Variants in ANKRD36C observed in about 807,000 individuals in gnomAD.
ANKRD36C encodes ankyrin repeat domain-containing protein 36C.
In ANKRD36C, 61 loss-of-function variants were observed where a neutral mutation model predicts 276.4. That is an observed-to-expected ratio of 0.22 (90% CI 0.18 to 0.27). ANKRD36C has a LOEUF of 0.27. ANKRD36C is among the 10% of genes least tolerant of loss of function. ANKRD36C has a pLI of 1.00. For synonymous variants in ANKRD36C, 483 were observed against 680.1 expected (o/e 0.71, Z 4.51); for missense variants, 1,447 against 2,032.3 (o/e 0.71, Z 5.54).
intron 46 of ANKRD36C, among the ~76,000 whole-genome samples, chr2:95,890,921 G>A (rs923371123): frequency 6.6e-6 from 1 of 151,304 alleles, no homozygotes; most frequent in African/African-American, 2.4e-5. Flanking sequence ...CCTTGAACAA[G>A]GAAGCAAATT....
At chr2:95,983,298 T>C (rs1202635671) in intron 3 of ANKRD36C, among the ~76,000 whole-genome samples, 1 of 151,872 alleles carries the variant, frequency 6.6e-6, no homozygotes, top group Non-Finnish European at 1.5e-5. Flanking sequence ...TCTCTAGTAA[T>C]ATTTTTATCT....
chr2:95,916,134 T>C lies in ANKRD36C; in HGVS notation c.2376+9A>G. ...TACTAGCTCACAATATAAATGAGAG[T>C]TTCATTACCTTCAAGGCTGGTTTTT... On this transcript the variant is annotated intron_variant, in intron 37 of 66. Transcript: ENST00000456556. 6.2e-7 allele frequency: 1 copy of C among 1,605,006 alleles called. No individual in the cohort carries two copies. Among genetic ancestry groups the C allele is most frequent in the South Asian group, 1.1e-5 (1 of 90,896 alleles).
chr2:95,897,600 C>G, intron 44 of ANKRD36C, 135 bp from the exon 59 acceptor site: 1 of 827,986 alleles, frequency 1.2e-6, no homozygotes, highest in African/African-American at 1.7e-5. Context: ...TACTTTGTGT[C>G]TGGGGACTAG....
intron 10 of ANKRD36C, among the ~76,000 whole-genome samples, chr2:95,960,263 A>T (rs1232278648): frequency 2.0e-5 from 3 of 152,032 alleles, no homozygotes; most frequent in Admixed American, 6.6e-5. Flanking sequence ...TCCCAATTTC[A>T]GTGTAGGGAA....
At chr2:95,893,649 T>C (rs182076982) in intron 44 of ANKRD36C, 44 bp from the exon 64 acceptor site, 88 of 1,596,416 alleles carry the variant, frequency 5.5e-5, no homozygotes, top group Non-Finnish European at 7.2e-5. Flanking sequence ...ATATGTTTCA[T>C]AGACCATACA....
At chr2:95,940,783 C>G (rs879701735) in intron 20 of ANKRD36C, among the ~76,000 whole-genome samples, 9,209 of 102,618 alleles carry the variant, frequency 0.09, no homozygotes, top group South Asian at 0.17. Flanking sequence ...TTACACCATC[C>G]CACCTCACAT....
At chr2:95,864,269 C>A (rs1053379757) in intron 60 of ANKRD36C, among the ~76,000 whole-genome samples, 3 of 152,072 alleles carry the variant, frequency 2.0e-5, no homozygotes, top group African/African-American at 7.2e-5. Flanking sequence ...CATTGAAACA[C>A]CATCATTATT....
At chr2:95,908,322 G>A (rs940804297) in intron 42 of ANKRD36C, among the ~76,000 whole-genome samples, 180 bp downstream of exon 48, 8 of 150,872 alleles carry the variant, frequency 5.3e-5, no homozygotes, top group East Asian at 2.0e-4. Flanking sequence ...ATCTTACGGC[G>A]AAGATCATGT....
chr2:95,911,729 G>A (rs1676932119), intron 42 of ANKRD36C, among the ~76,000 whole-genome samples: 3 of 151,292 alleles, frequency 2.0e-5, no homozygotes, highest in Non-Finnish European at 4.4e-5. Flanking sequence ...GGATTCCTCC[G>A]CAGTAACCCC....
chr2:95,907,808 C>G (rs558910341), intron 42 of ANKRD36C, among the ~76,000 whole-genome samples: 5 of 149,930 alleles, frequency 3.3e-5, no homozygotes, highest in Admixed American at 3.3e-4. Flanking sequence ...CTAAAATCAA[C>G]AAAACATGTA....
intron 40 of ANKRD36C, 33 bp from the exon 43 acceptor site, chr2:95,912,468 A>T (rs193023787): frequency 1.1e-5 from 18 of 1,604,344 alleles, no homozygotes; most frequent in African/African-American, 2.7e-5. Flanking sequence ...AATCACTCAC[A>T]CGTAAATATG....
intron 60 of ANKRD36C, among the ~76,000 whole-genome samples, chr2:95,862,235 A>T (rs1030887194): frequency 6.6e-6 from 1 of 152,088 alleles, no homozygotes; most frequent in African/African-American, 2.4e-5. Flanking sequence ...ATGCTTTCCA[A>T]GTACCCACGG....
intron 59 of ANKRD36C, among the ~76,000 whole-genome samples, chr2:95,873,089 C>G (rs968974605): frequency 6.6e-6 from 1 of 152,160 alleles, no homozygotes; most frequent in Non-Finnish European, 1.5e-5. Context: ...ACCAGAGGTA[C>G]AAGGAGGAAG....
chr2:95,962,032 T>A (rs908531580), intron 8 of ANKRD36C, among the ~76,000 whole-genome samples: 1 of 152,042 alleles, frequency 6.6e-6, no homozygotes, highest in Non-Finnish European at 1.5e-5. Context: ...TATTACTTAA[T>A]CTCTTTCTCC....
intron 44 of ANKRD36C, among the ~76,000 whole-genome samples, chr2:95,896,014 A>G (rs2104366202): frequency 6.8e-6 from 1 of 146,794 alleles, no homozygotes; most frequent in South Asian, 2.2e-4. Flanking sequence ...AACATTCATC[A>G]TGCTCTTTAA....
At chr2:95,909,491 G>A (rs1169702597) in intron 42 of ANKRD36C, among the ~76,000 whole-genome samples, 2 of 91,902 alleles carry the variant, frequency 2.2e-5, no homozygotes, top group African/African-American at 4.4e-5. Context: ...AATATTCATT[G>A]AAAATGACCA....
chr2:95,916,103 T>A (rs1239984203), intron 37 of ANKRD36C, 40 bp downstream of exon 39: 6 of 1,604,760 alleles, frequency 3.7e-6, no homozygotes, highest in South Asian at 2.2e-5. Flanking sequence ...TCATAGGCTA[T>A]ACGTTTACTA....
chr2:95,948,338 C>A (rs1678108637), intron 17 of ANKRD36C, among the ~76,000 whole-genome samples, 192 bp downstream of exon 17: 2 of 152,118 alleles, frequency 1.3e-5, no homozygotes, highest in Non-Finnish European at 2.9e-5. Flanking sequence ...TATTTATCAA[C>A]TATTTCTTAT....
chr2:95,891,720 T>C (rs1352643650), exon 46 of ANKRD36C: 34 of 1,581,786 alleles, frequency 2.1e-5, no homozygotes, highest in Non-Finnish European at 2.5e-5. Context: ...AAACAGAATC[T>C]TTCTCGTCAC....
Sources: allele counts gnomAD v4.1 joint callset (sites outside exome capture counted in the v4.1 genomes callset), GRCh38; gene constraint gnomAD v4.1.1; transcripts MANE v1.5; gene names NCBI Gene and HGNC (gene_info 2026-07-23, HGNC 2026-07-21).